MRTFA: variants seen among roughly 807,000 people sequenced by gnomAD.
The protein encoded by MRTFA is myocardin related transcription factor A, also known as myocardin-related transcription factor A.
MRTFA carries 20 observed loss-of-function variants against 83.5 expected under a neutral mutation model. The observed-to-expected ratio is 0.24, with a 90% CI of 0.17 to 0.35. The LOEUF (loss-of-function observed/expected upper bound fraction) is 0.35, where lower values mean the gene tolerates loss of function less well. Among genes scored for constraint, MRTFA ranks in the 10% least tolerant of loss-of-function variants. The probability of loss-of-function intolerance (pLI) is 1.00; values close to 1 mark genes in which losing one functional copy is unlikely to be tolerated. For synonymous variants in MRTFA, 659 were observed against 541.2 expected, an observed-to-expected ratio of 1.22 and a Z score of -3.02; for missense variants, 1,200 against 1,224.7, an observed-to-expected ratio of 0.98 and a Z score of 0.30.
intron 5 of MRTFA, chr22:40,433,713 C>G (rs1419882868): frequency 6.6e-6 from 1 of 152,146 alleles, no homozygotes; most frequent in Non-Finnish European, 1.5e-5. Context: ...GTATGAGATG[C>G]AAAAGTAGCA....
chr22:40,574,341 T>C (rs537187597), intron 2 of MRTFA, among the ~76,000 whole-genome samples: 2 of 152,346 alleles, frequency 1.3e-5, no homozygotes, highest in South Asian at 2.1e-4. Flanking sequence ...TGGCTGCATC[T>C]ATACTGAACA....
Position 40,419,243 on chromosome 22 carries a change from T to A in MRTFA, c.1495A>T (p.Ile499Phe), listed in dbSNP as rs369827920. Residue 499 changes from isoleucine (I) to phenylalanine (F), a missense_variant, in exon 12 of 15, where the codon ATC becomes TTC. Transcript: ENST00000355630. ...ACCACCTCGCCAGCCTTGTGCAGGATAGAGGTGGCGGCAGGGGCCTTGGGG... is the reference window on the plus strand; with the variant it reads ...ACCACCTCGCCAGCCTTGTGCAGGAAAGAGGTGGCGGCAGGGGCCTTGGGG... 6.2e-6 allele frequency: 10 copies of A among 1,611,134 alleles called. No homozygotes were observed. The African/African-American group carries it at 1.3e-4, about 22-fold the overall frequency.
At chr22:40,550,874 G>A (rs180885786) in intron 3 of MRTFA, among the ~76,000 whole-genome samples, 1,361 of 129,080 alleles carry the variant, frequency 0.011, 21 homozygotes, top group Middle Eastern at 0.014. Flanking sequence ...TTTTTGAGAC[G>A]GAATTTTGCT....
chr22:40,520,429 C>T (rs926767790), intron 3 of MRTFA, among the ~76,000 whole-genome samples: 3 of 150,726 alleles, frequency 2.0e-5, no homozygotes, highest in South Asian at 2.1e-4. Context: ...TTTTTTAAGA[C>T]GAGTCTCGTT....
chr22:40,465,511 A>G (rs897202517), intron 3 of MRTFA, among the ~76,000 whole-genome samples: 5 of 152,164 alleles, frequency 3.3e-5, no homozygotes, highest in Admixed American at 6.6e-5. Flanking sequence ...ACTGTTTTAC[A>G]TTCTTTTATA....
At chr22:40,557,193 C>T (rs117497702) in intron 2 of MRTFA, among the ~76,000 whole-genome samples, 1,775 of 152,218 alleles carry the variant, frequency 0.012, 10 homozygotes, top group Non-Finnish European at 0.019. Flanking sequence ...TAGGGAACCA[C>T]GACAGACATG....
intron 1 of MRTFA, among the ~76,000 whole-genome samples, chr22:40,605,444 C>G (rs1242138232): frequency 6.6e-6 from 1 of 152,058 alleles, no homozygotes; most frequent in East Asian, 1.9e-4. Context: ...GAGTGGGATG[C>G]CAGAAGAGGT....
chr22:40,502,156 G>GGCT (rs2054497710), intron 3 of MRTFA, among the ~76,000 whole-genome samples: 1 of 145,900 alleles, frequency 6.9e-6, no homozygotes, highest in South Asian at 2.1e-4. Context: ...CCGGGCGGGG[G>GGCT]GCTGACCCCC....
intron 3 of MRTFA, among the ~76,000 whole-genome samples, chr22:40,508,703 C>CTT (rs66987842): frequency 1.4e-5 from 2 of 147,168 alleles, no homozygotes; most frequent in Non-Finnish European, 3.0e-5. Flanking sequence ...TTTGAGGGTA[C>CTT]TTTTTTTTTT....
At chr22:40,562,665 AGGGAAAGGGGGAAGAGGGAAGG>A in intron 2 of MRTFA, among the ~76,000 whole-genome samples, 1 of 65,288 alleles carries the variant, frequency 1.5e-5, no homozygotes, top group African/African-American at 6.4e-5. Flanking sequence ...GGCAGAAAGG[AGGGAAAGGGGGAAGAGGGAAGG>A]GGGAAAGAGG....
chr22:40,599,413 C>T (rs6001978), intron 1 of MRTFA, among the ~76,000 whole-genome samples: 35 of 152,278 alleles, frequency 2.3e-4, no homozygotes, highest in African/African-American at 8.4e-4. Context: ...TAAAAGATTT[C>T]CTTACATTCC....
At chr22:40,620,045 T>A (rs2056502525) in intron 1 of MRTFA, among the ~76,000 whole-genome samples, 1 of 151,118 alleles carries the variant, frequency 6.6e-6, no homozygotes. Context: ...GCAGCCTCCG[T>A]CTCCCAGGTT....
intron 1 of MRTFA, among the ~76,000 whole-genome samples, chr22:40,611,123 G>C (rs767180003): frequency 6.6e-6 from 1 of 151,998 alleles, no homozygotes; most frequent in Non-Finnish European, 1.5e-5. Context: ...ATTTTTAGTA[G>C]AGAAGGGGTT....
intron 3 of MRTFA, among the ~76,000 whole-genome samples, chr22:40,536,413 C>T (rs868050743): frequency 2.0e-5 from 3 of 149,862 alleles, no homozygotes; most frequent in African/African-American, 7.3e-5. Context: ...GAGCGCCGCC[C>T]GGGAGGCAGC....
chr22:40,451,975 G>GTTTTTTTT (rs771103539), intron 4 of MRTFA, among the ~76,000 whole-genome samples: 4 of 80,478 alleles, frequency 5.0e-5, no homozygotes, highest in Non-Finnish European at 9.0e-5. Flanking sequence ...TTTTTTTTTG[G>GTTTTTTTT]TTTTTTTTTT....
At chr22:40,586,759 G>T in intron 2 of MRTFA, 1 of 317,576 alleles carries the variant, frequency 3.1e-6, no homozygotes. Flanking sequence ...TGATGTCTTG[G>T]TTGGTAGCTG....
intron 3 of MRTFA, among the ~76,000 whole-genome samples, chr22:40,464,309 GAAAAAAAAAAAAA>G (rs398040500): frequency 3.6e-5 from 2 of 56,262 alleles, no homozygotes; most frequent in South Asian, 7.5e-4. Context: ...GCTGTCTCAG[GAAAAAAAAAAAAA>G]AAAAAAAAAA....
chr22:40,596,102 A>G (rs1189256137), intron 1 of MRTFA, among the ~76,000 whole-genome samples: 1 of 151,836 alleles, frequency 6.6e-6, no homozygotes, highest in Non-Finnish European at 1.5e-5. Flanking sequence ...CTCCTAGAAC[A>G]TACTGTCTTT....
rs764314312 is a variant in MRTFA at position 40,420,400 on chromosome 22, T to C, written c.1353+5A>G. ...AGTGGCTCAAGTTTTCCAGTGGCCATGTACCTTCATGTCGTCCAGGTTGGC... is the reference window on the plus strand; with the variant it reads ...AGTGGCTCAAGTTTTCCAGTGGCCACGTACCTTCATGTCGTCCAGGTTGGC... On this transcript the variant is annotated splice_donor_5th_base_variant and intron_variant, in intron 11 of 14. Transcript: ENST00000355630. The C allele has an allele frequency of 1.9e-6, 3 of 1,612,288 alleles. No homozygotes were observed. The highest frequency in any genetic ancestry group is 2.2e-5 in the East Asian group (1 of 44,880).
Sources: gnomAD v4.1 joint callset for allele counts (sites outside exome capture counted in the v4.1 genomes callset) on GRCh38, gnomAD v4.1.1 for gene constraint, MANE v1.5 for transcripts, NCBI Gene and HGNC (gene_info 2026-07-23, HGNC 2026-07-21) for gene names.